The following DPYD variants were observed in gnomAD, a reference collection of about 807,000 sequenced individuals.
DPYD encodes the protein dihydropyrimidine dehydrogenase [NADP(+)].
Under a neutral mutation model 116.2 loss-of-function variants are expected in DPYD, and 109 were observed. The observed-to-expected ratio is 0.94, with a 90% CI of 0.80 to 1.10. DPYD has a LOEUF of 1.10. DPYD is among the 50% of genes least tolerant of loss of function. The probability of loss-of-function intolerance (pLI) is 0.00; values close to 1 mark genes in which losing one functional copy is unlikely to be tolerated. For synonymous variants in DPYD, 440 were observed against 432.0 expected, an observed-to-expected ratio of 1.02 and a Z score of -0.23; for missense variants, 1,302 against 1,254.5, an observed-to-expected ratio of 1.04 and a Z score of -0.57.
chr1:97,534,228 T>C (rs756554331), intron 12 of DPYD, among the ~76,000 whole-genome samples: 16 of 152,174 alleles, frequency 1.1e-4, no homozygotes, highest in Non-Finnish European at 1.6e-4. Context: ...TCTCACAGGA[T>C]GTTGTCTGGT....
At chr1:97,897,634 C>A (rs1283286670) in intron 1 of DPYD, among the ~76,000 whole-genome samples, 1 of 151,778 alleles carries the variant, frequency 6.6e-6, no homozygotes, top group Admixed American at 6.6e-5. Flanking sequence ...TCTGCAGTGT[C>A]TAATCTGTCT....
chr1:97,493,628 G>A (rs565159983), intron 13 of DPYD, among the ~76,000 whole-genome samples: 5,943 of 152,138 alleles, frequency 0.039, 214 homozygotes, highest in South Asian at 0.071. Context: ...GACTAGGGAG[G>A]TGGAGAAAAC....
chr1:97,390,353 T>G (rs942958267), intron 14 of DPYD, among the ~76,000 whole-genome samples: 1 of 152,010 alleles, frequency 6.6e-6, no homozygotes, highest in Non-Finnish European at 1.5e-5. Context: ...TGGGATTACA[T>G]TGATGAGGAA....
intron 14 of DPYD, among the ~76,000 whole-genome samples, chr1:97,438,388 T>A (rs1675583660): frequency 6.6e-6 from 1 of 152,086 alleles, no homozygotes; most frequent in African/African-American, 2.4e-5. Flanking sequence ...TGTCTTTAAT[T>A]TCTCTCAGAA....
At chr1:97,515,422 A>C (rs1292517620) in intron 13 of DPYD, among the ~76,000 whole-genome samples, 1 of 151,984 alleles carries the variant, frequency 6.6e-6, no homozygotes, top group East Asian at 1.9e-4. Flanking sequence ...TGAGGCATCC[A>C]AAAATAATGA....
intron 14 of DPYD, among the ~76,000 whole-genome samples, chr1:97,412,262 A>T (rs1674045211): frequency 6.6e-6 from 1 of 152,196 alleles, no homozygotes; most frequent in Non-Finnish European, 1.5e-5. Flanking sequence ...AAGATAATAC[A>T]CTGAAGGCTT....
chr1:97,384,326 G>A (rs1212868913), intron 14 of DPYD, among the ~76,000 whole-genome samples: 1 of 150,836 alleles, frequency 6.6e-6, no homozygotes, highest in African/African-American at 2.4e-5. Flanking sequence ...CCATATTGGA[G>A]AGAGTTCTAA....
chr1:97,130,992 A>G (rs928493684), intron 20 of DPYD, among the ~76,000 whole-genome samples: 1 of 151,484 alleles, frequency 6.6e-6, no homozygotes, highest in Non-Finnish European at 1.5e-5. Flanking sequence ...ATTACTGAAA[A>G]TCATTATGAC....
At chr1:97,591,952 AAAAAGG>A (rs1387041256) in intron 10 of DPYD, among the ~76,000 whole-genome samples, 1 of 152,146 alleles carries the variant, frequency 6.6e-6, no homozygotes, top group Non-Finnish European at 1.5e-5. Context: ...AAAAAAGTCT[AAAAAGG>A]GTAGATTGGA....
intron 20 of DPYD, among the ~76,000 whole-genome samples, chr1:97,175,334 G>A (rs1376458433): frequency 1.3e-5 from 2 of 152,094 alleles, no homozygotes; most frequent in Non-Finnish European, 2.9e-5. Context: ...CTTGTTCAGT[G>A]CTTTCCTTTA....
chr1:97,640,632 A>G (rs202056009), intron 8 of DPYD, among the ~76,000 whole-genome samples: 1 of 152,090 alleles, frequency 6.6e-6, no homozygotes, highest in East Asian at 1.9e-4. Flanking sequence ...CTGTTAGATT[A>G]TTAGAGTCTG....
intron 8 of DPYD, among the ~76,000 whole-genome samples, chr1:97,615,828 C>T (rs898318624): frequency 6.6e-6 from 1 of 152,128 alleles, no homozygotes; most frequent in Non-Finnish European, 1.5e-5. Context: ...TCAGCAATTA[C>T]ACTTCATTTC....
At chr1:97,339,982 T>TTAGTGTGATCATTGTCATTACTGAAC (rs1446601489) in intron 16 of DPYD, among the ~76,000 whole-genome samples, 8 of 152,168 alleles carry the variant, frequency 5.3e-5, no homozygotes, top group Non-Finnish European at 1.0e-4. Flanking sequence ...GTAGGCTGTC[T>TTAGTGTGATCATTGTCATTACTGAAC]TAGTGTGATC....
At position 97,733,483 on chromosome 1, in the gene DPYD, T is replaced by C. The variant is rs1012126694; in HGVS notation, c.321+6909A>G. ...TAGTGTCATACTATTCACATTACTA[T>C]GCAATTTGTCCTCTTTCACTTACTA... is the stretch of plus-strand genomic sequence containing the variant. On this transcript the variant is annotated intron_variant, in intron 4 of 22. Transcript: ENST00000370192. Among the ~76,000 whole-genome samples the C allele has an allele frequency of 2.0e-5, 3 of 151,996 alleles. No homozygotes were observed. In the South Asian group the frequency reaches 6.2e-4, roughly 31 times the overall value.
intron 18 of DPYD, among the ~76,000 whole-genome samples, chr1:97,269,876 C>G (rs987848466): frequency 1.3e-5 from 2 of 152,138 alleles, no homozygotes; most frequent in Non-Finnish European, 2.9e-5. Flanking sequence ...GGGAGGGGCA[C>G]AATTCAGTAC....
intron 20 of DPYD, among the ~76,000 whole-genome samples, chr1:97,175,125 A>G (rs1337951955): frequency 2.0e-5 from 3 of 152,186 alleles, no homozygotes; most frequent in Admixed American, 6.5e-5. Flanking sequence ...GAGTTTTCCA[A>G]AGTAGTTGTA....
chr1:97,577,849 ATTAAT>A (rs1167317700), intron 10 of DPYD, among the ~76,000 whole-genome samples: 1 of 151,408 alleles, frequency 6.6e-6, no homozygotes, highest in Non-Finnish European at 1.5e-5. Context: ...TAATTAATTA[ATTAAT>A]TTGAGACGGA....
intron 18 of DPYD, among the ~76,000 whole-genome samples, chr1:97,242,625 GT>G (rs1459309681): frequency 6.6e-6 from 1 of 151,586 alleles, no homozygotes; most frequent in Non-Finnish European, 1.5e-5. Flanking sequence ...ATAAAATGGT[GT>G]TATAATTTAC....
At chr1:97,641,173 A>C (rs1362700780) in intron 8 of DPYD, among the ~76,000 whole-genome samples, 1 of 152,106 alleles carries the variant, frequency 6.6e-6, no homozygotes, top group African/African-American at 2.4e-5. Context: ...AGTTGATTAG[A>C]TGGGGGATGA....
Sources: allele counts gnomAD v4.1 joint callset (sites outside exome capture counted in the v4.1 genomes callset), GRCh38; gene constraint gnomAD v4.1.1; transcripts MANE v1.5; gene names NCBI Gene and HGNC (gene_info 2026-07-23, HGNC 2026-07-21).